The following OGDH variants were observed in gnomAD, a reference collection of about 807,000 sequenced individuals.
OGDH encodes the protein 2-oxoglutarate dehydrogenase complex component E1.
OGDH carries 38 observed loss-of-function variants against 116.6 expected under a neutral mutation model. The ratio of observed to expected loss-of-function variants is 0.33; its 90% CI spans 0.25 to 0.43. OGDH has a LOEUF of 0.43. OGDH is among the 20% of genes least tolerant of loss of function. The pLI is 1.00. For synonymous variants in OGDH, 488 were observed against 533.3 expected (o/e 0.92, Z 1.17); for missense variants, 825 against 1,357.2 (o/e 0.61, Z 6.16).
intron 5 of OGDH, among the ~76,000 whole-genome samples, chr7:44,668,226 C>T (rs1213719075): frequency 3.9e-5 from 6 of 152,060 alleles, no homozygotes; most frequent in Admixed American, 1.3e-4. Flanking sequence ...ATCATAAGGT[C>T]GGGAGTTCAA....
chr7:44,702,051 A>T (rs1788854477), intron 20 of OGDH, among the ~76,000 whole-genome samples: 1 of 151,650 alleles, frequency 6.6e-6, no homozygotes, highest in Non-Finnish European at 1.5e-5. Context: ...AGCCTGGGCA[A>T]TAAGAGCAAA....
rs184523477 is a variant in OGDH, at chr7:44,672,729, G to A, written c.634-1058G>A. On this transcript the variant is annotated intron_variant, in intron 5 of 22. Transcript: ENST00000222673. ...ATGATCTTGGCTCACTGCAACCTCC[G>A]CCTCCTGGGTTCAAGCGATTCTCCT... Among the ~76,000 whole-genome samples the A allele has an allele frequency of 2.9e-4, 42 of 145,390 alleles. 1 individual carries two copies. The East Asian group carries it at 7.9e-3, about 27-fold the overall frequency.
intron 10 of OGDH, among the ~76,000 whole-genome samples, chr7:44,690,043 A>G (rs899673397): frequency 6.6e-5 from 10 of 152,200 alleles, no homozygotes; most frequent in Admixed American, 2.6e-4. Context: ...ATTTTTGTGC[A>G]TGGTGCAAAG....
At chr7:44,682,714 A>G (rs1418726910) in intron 10 of OGDH, among the ~76,000 whole-genome samples, 1 of 151,926 alleles carries the variant, frequency 6.6e-6, no homozygotes, top group Non-Finnish European at 1.5e-5. Flanking sequence ...AAAATTAGGC[A>G]TGGTGGTGCA....
At chr7:44,673,581 C>T (rs1192273088) in intron 5 of OGDH, among the ~76,000 whole-genome samples, 1 of 152,204 alleles carries the variant, frequency 6.6e-6, no homozygotes, top group Non-Finnish European at 1.5e-5. Flanking sequence ...TGACCCAGGT[C>T]CCTGAAGGAA....
chr7:44,707,080 G>T lies in OGDH; in HGVS notation c.2633-145G>T. The T allele has an allele frequency of 1.3e-6, 1 of 755,968 alleles. No homozygotes were observed. Among genetic ancestry groups the T allele is most frequent in the Non-Finnish European group, 2.1e-6 (1 of 470,976 alleles). The allele number at this position is 755,968 out of a possible 1,614,324, so 46.8% of individuals were successfully genotyped here. ...TGTGCCTGGTCTGAGCAAATACAGG[G>T]CATCAGAGGCTGGTGAAGGGGAAGC... On this transcript the variant is annotated intron_variant, in intron 20 of 22. Coordinates refer to ENST00000222673, the MANE Select transcript of OGDH (RefSeq NM_002541.4). This position sits in a 1 kb window ranked among gnomAD's most constrained non-coding sequence, Gnocchi z 5.2.
rs919162840 is a variant in OGDH at position 44,697,300 on chromosome 7, G to T, written c.2052-70G>T. On this transcript the variant is annotated intron_variant, in intron 15 of 22. Coordinates refer to ENST00000222673, the MANE Select transcript of OGDH (RefSeq NM_002541.4). The surrounding 1 kb of genome is among the most constrained non-coding windows in gnomAD (Gnocchi z 6.0). ...AGAGCATGGCATCTGCTGGTGCTTC[G>T]TGCGGGTCCCCAGCGTATTTGCTTG... The T allele has an allele frequency of 3.8e-6, 6 of 1,595,582 alleles. No individual in the cohort carries two copies. The highest frequency in any genetic ancestry group is 5.1e-6 in the Non-Finnish European group (6 of 1,168,198).
At chr7:44,676,242 T>C in intron 9 of OGDH, 93 bp downstream of exon 9, 8 of 1,607,796 alleles carry the variant, frequency 5.0e-6, no homozygotes, top group Non-Finnish European at 6.8e-6. Flanking sequence ...GAGCCCTGGG[T>C]GCATCTAGAC....
chr7:44,681,517 AG>A (rs1787928545), intron 9 of OGDH, among the ~76,000 whole-genome samples: 1 of 152,216 alleles, frequency 6.6e-6, no homozygotes, highest in Non-Finnish European at 1.5e-5. Flanking sequence ...TGATGATGGC[AG>A]GGTGTGTTGG....
intron 1 of OGDH, among the ~76,000 whole-genome samples, chr7:44,613,437 C>T (rs1475461163): frequency 6.6e-6 from 1 of 152,090 alleles, no homozygotes; most frequent in Admixed American, 6.6e-5. Flanking sequence ...CTTGGCTCAC[C>T]GCAAGCTCTG....
chr7:44,705,799 G>A (rs988020261), intron 20 of OGDH, among the ~76,000 whole-genome samples: 6 of 152,128 alleles, frequency 3.9e-5, no homozygotes, highest in Non-Finnish European at 8.8e-5. Context: ...TTTTGGTTAC[G>A]TGCATATGAT....
chr7:44,658,633 A>C (rs1415259659), intron 4 of OGDH, among the ~76,000 whole-genome samples: 1 of 152,118 alleles, frequency 6.6e-6, no homozygotes, highest in Non-Finnish European at 1.5e-5. Flanking sequence ...GGATAGCCTT[A>C]TGCCCTGTTC....
At chr7:44,614,912 C>G (rs900286841) in intron 1 of OGDH, among the ~76,000 whole-genome samples, 3 of 149,420 alleles carry the variant, frequency 2.0e-5, no homozygotes, top group African/African-American at 7.4e-5. Flanking sequence ...TCTCAGCTCA[C>G]TGCAACCTCC....
intron 1 of OGDH, among the ~76,000 whole-genome samples, chr7:44,610,492 C>T (rs951168339): frequency 2.0e-5 from 3 of 151,790 alleles, no homozygotes; most frequent in Non-Finnish European, 2.9e-5. Context: ...TTAGTAGAGA[C>T]GGGGTTTCAC....
chr7:44,624,644 C>T lies in OGDH; in HGVS notation c.222+79C>T, dbSNP rs995455483. ...TGACTGGTCACCAGGTAAGTGTGTG[C>T]GTCCTGAGGAGTCAGCGGGCAGACA... On this transcript the variant is annotated intron_variant, in intron 2 of 22. Transcript: ENST00000222673. 1.0e-5 allele frequency: 13 copies of T among 1,261,114 alleles called. No individual in the cohort carries two copies. The East Asian group carries it at 1.4e-4, about 14-fold the overall frequency. The allele number at this position is 1,261,114 out of a possible 1,614,324, so 78.1% of individuals were successfully genotyped here.
At chr7:44,657,801 T>C (rs749644847) in intron 4 of OGDH, among the ~76,000 whole-genome samples, 10 of 152,236 alleles carry the variant, frequency 6.6e-5, no homozygotes, top group Non-Finnish European at 1.0e-4. Flanking sequence ...TTGTGTAAAT[T>C]TCTGTATAAG....
intron 10 of OGDH, among the ~76,000 whole-genome samples, chr7:44,682,117 G>A (rs775702292): frequency 5.9e-5 from 9 of 152,040 alleles, no homozygotes; most frequent in Non-Finnish European, 1.2e-4. Flanking sequence ...CTGGGTGGCC[G>A]GGTGCAGTGG....
chr7:44,674,556 A>G lies in OGDH; in HGVS notation c.934A>G (p.Arg312Gly). ...VDYVIMGMPHRGRLNVLANVI... is the reference protein window; with the variant it reads ...VDYVIMGMPHGGRLNVLANVI... ...CTACGTGATCATGGGCATGCCACAC[A>G]GGTACAGCCAAGGGCGCGCCCAACC... Residue 312 changes from arginine (R) to glycine (G), a missense_variant and splice_region_variant, in exon 7 of 23, where the codon AGA (arginine) becomes GGA (glycine). Arg to Gly is a moderately radical substitution (Grantham distance 125). This residue lies in a region of OGDH where 171 missense variants were observed against 276.8 expected (regional missense o/e 0.62). Transcript: ENST00000222673. The G allele has an allele frequency of 6.2e-7, 1 of 1,613,978 alleles. No individual in the cohort carries two copies. The highest frequency in any genetic ancestry group is 8.5e-7 in the Non-Finnish European group (1 of 1,179,958).
At chr7:44,650,405 G>A (rs540957529) in intron 4 of OGDH, among the ~76,000 whole-genome samples, 7 of 152,280 alleles carry the variant, frequency 4.6e-5, no homozygotes, top group African/African-American at 1.4e-4. Flanking sequence ...CCTTGGGCTA[G>A]TTGCTTAACC....
Sources: allele counts gnomAD v4.1 joint callset (sites outside exome capture counted in the v4.1 genomes callset), GRCh38; gene constraint gnomAD v4.1.1; regional missense constraint gnomAD v4.1.1; non-coding constraint Gnocchi (gnomAD v3.1); transcripts MANE v1.5; gene names NCBI Gene and HGNC (gene_info 2026-07-23, HGNC 2026-07-21).